EIF2AK3: variants seen among roughly 807,000 people sequenced by gnomAD.
EIF2AK3 encodes eukaryotic translation initiation factor 2 alpha kinase 3, also known as eukaryotic translation initiation factor 2-alpha kinase 3.
A neutral mutation model predicts 113.5 loss-of-function variants in EIF2AK3; 50 were observed. The ratio of observed to expected loss-of-function variants is 0.44; its 90% CI spans 0.35 to 0.56. EIF2AK3 has a LOEUF of 0.56. Among genes scored for constraint, EIF2AK3 ranks in the 20% least tolerant of loss-of-function variants. EIF2AK3 has a pLI of 0.00. For missense variants in EIF2AK3, 1,185 were observed against 1,378.0 expected (o/e 0.86, Z 2.22); for synonymous variants, 448 against 495.4 (o/e 0.90, Z 1.27).
chr2:88,614,406 C>T (rs1386882536), intron 1 of EIF2AK3, among the ~76,000 whole-genome samples: 1 of 152,176 alleles, frequency 6.6e-6, no homozygotes, highest in African/African-American at 2.4e-5. Context: ...TAGTAGACAT[C>T]TAATTGACCC....
rs779224696 is a variant in EIF2AK3, at chr2:88,590,449, A to T, written c.1159T>A (p.Tyr387Asn). The T allele has an allele frequency of 1.2e-6, 2 of 1,613,666 alleles. No individual in the cohort carries two copies. The highest frequency in any genetic ancestry group is 2.7e-5 in the African/African-American group (2 of 74,888). Residue 387 changes from tyrosine (Y) to asparagine (N), a missense_variant, in exon 6 of 17, where the codon TAC becomes AAC. Coordinates refer to ENST00000303236, the MANE Select transcript of EIF2AK3 (RefSeq NM_004836.7). ...AARGATENSV[Y>N]LGMYRGQLYL... ...ATAAGATACATTTACTCACCCAAGT[A>T]AACACTGTTTTCTGTGGCTCCTCTG...
chr2:88,620,094 C>T (rs1222444369), intron 1 of EIF2AK3, among the ~76,000 whole-genome samples: 1 of 152,178 alleles, frequency 6.6e-6, no homozygotes, highest in Non-Finnish European at 1.5e-5. Flanking sequence ...CTCTCTTCTT[C>T]CCACAGTTTT....
chr2:88,585,633 A>T (rs1674701141), intron 9 of EIF2AK3, among the ~76,000 whole-genome samples: 1 of 152,210 alleles, frequency 6.6e-6, no homozygotes, highest in African/African-American at 2.4e-5. Flanking sequence ...GGTCAAAGGG[A>T]GATGTTCAAC....
chr2:88,616,391 TAC>T (rs1675570286), intron 1 of EIF2AK3, among the ~76,000 whole-genome samples: 1 of 152,152 alleles, frequency 6.6e-6, no homozygotes, highest in South Asian at 2.1e-4. Flanking sequence ...CACCTCCAGC[TAC>T]AGAGCAGACT....
intron 3 of EIF2AK3, among the ~76,000 whole-genome samples, chr2:88,594,830 T>TAAAAA (rs58582485): frequency 2.6e-5 from 3 of 115,070 alleles, no homozygotes; most frequent in Non-Finnish European, 3.5e-5. Context: ...TGTCAAAATG[T>TAAAAA]AAAAAAAAAA....
At chr2:88,591,505 G>C (rs762097897) in intron 4 of EIF2AK3, among the ~76,000 whole-genome samples, 2 of 152,140 alleles carry the variant, frequency 1.3e-5, no homozygotes, top group Non-Finnish European at 2.9e-5. Context: ...GAATGCACCA[G>C]TCTTAAATTC....
chr2:88,591,065 A>G lies in EIF2AK3; in HGVS notation c.768-13T>C, dbSNP rs368623266. Reference sequence around the variant, plus strand: ...ACTGAAATTCCACCTTAAATTTACAAAGGTGTGTTTTAGAAATTTACATTT... The same window carrying G: ...ACTGAAATTCCACCTTAAATTTACAGAGGTGTGTTTTAGAAATTTACATTT... On this transcript the variant is annotated splice_polypyrimidine_tract_variant and intron_variant, in intron 4 of 16. Transcript: ENST00000303236. The G allele has an allele frequency of 3.6e-4, 578 of 1,611,514 alleles. 1 individual carries two copies. The highest frequency in any genetic ancestry group is 4.5e-4 in the Non-Finnish European group (525 of 1,177,712).
intron 1 of EIF2AK3, 68 bp downstream of exon 1, chr2:88,626,899 C>A (rs542275082): frequency 5.0e-6 from 8 of 1,584,198 alleles, no homozygotes; most frequent in Admixed American, 3.4e-5. Context: ...TCTCCGCCCC[C>A]CTACACCGCA....
chr2:88,559,061 CT>C, intron 15 of EIF2AK3, 82 bp from the exon 16 acceptor site: 1 of 931,242 alleles, frequency 1.1e-6, no homozygotes, highest in Non-Finnish European at 1.7e-6. Flanking sequence ...AACAAAATGA[CT>C]AAGAGGTTGT....
intron 1 of EIF2AK3, among the ~76,000 whole-genome samples, chr2:88,620,824 G>T (rs1380873787): frequency 6.6e-6 from 1 of 152,206 alleles, no homozygotes; most frequent in African/African-American, 2.4e-5. Flanking sequence ...TTAACACAAT[G>T]ATCTGTCAGG....
At chr2:88,561,902 T>C (rs1308053536) in intron 15 of EIF2AK3, among the ~76,000 whole-genome samples, 1 of 152,156 alleles carries the variant, frequency 6.6e-6, no homozygotes. Context: ...TTAAAGGCTG[T>C]GGTCATGGTT....
chr2:88,577,390 T>C (rs926561303), intron 11 of EIF2AK3, among the ~76,000 whole-genome samples: 2 of 152,138 alleles, frequency 1.3e-5, no homozygotes, highest in African/African-American at 4.8e-5. Context: ...TACAAGCGCA[T>C]CTACTGCACG....
intron 13 of EIF2AK3, chr2:88,574,441 A>C (rs770719367): frequency 3.4e-6 from 2 of 589,676 alleles, no homozygotes; most frequent in Non-Finnish European, 6.0e-6. Flanking sequence ...AAATGAACAC[A>C]AACACATTAC....
chr2:88,588,803 C>A lies in EIF2AK3; in HGVS notation c.1264G>T (p.Ala422Ser), dbSNP rs145427892. 2 of 1,613,702 alleles carry A rather than the reference C, an allele frequency of 1.2e-6. No individual in the cohort carries two copies. The highest frequency in any genetic ancestry group is 1.1e-5 in the South Asian group (1 of 91,080). ...TTGATTGTTGGTAAAGGAATAATTG[C>A]GTTTTCATTAGTGACAGATTCCAAA... ...KALESVTNENAIIPLPTIKWK... is the reference protein window; with the variant it reads ...KALESVTNENSIIPLPTIKWK... Residue 422 changes from alanine to serine, a missense_variant, in exon 7 of 17, where the codon GCA becomes TCA. Physicochemically the swap from Ala to Ser is moderately conservative, Grantham distance 99. Around this residue, in one of 3 missense-constraint regions of EIF2AK3, gnomAD observed 877 missense variants for 1,024.2 expected, o/e 0.86. Coordinates refer to ENST00000303236, the MANE Select transcript of EIF2AK3 (RefSeq NM_004836.7).
At position 88,575,139 on chromosome 2, in the gene EIF2AK3, C is replaced by T; in HGVS notation, c.2344G>A (p.Gly782Arg). ...GAAGGACAAAGTTCAAAGGAGTGCC[C>T]CTCATCATTGCCATCCATAGTCCCA... ...EDGTMDGNDE[G>R]HSFELCPSEA... is the part of the protein sequence containing the mutation. Residue 782 changes from glycine to arginine, a missense_variant, in exon 13 of 17, where the codon GGG becomes AGG. By Grantham distance (125) the Gly-to-Arg change is moderately radical. Transcript: ENST00000303236. 2.5e-6 allele frequency: 4 copies of T among 1,614,060 alleles called. No individual in the cohort carries two copies. Among genetic ancestry groups the T allele is most frequent in the Non-Finnish European group, 3.4e-6 (4 of 1,179,980 alleles).
rs761724251 is a variant in EIF2AK3 at position 88,567,868 on chromosome 2, A to G, written c.2985+3006T>C. Among the ~76,000 whole-genome samples the G allele has an allele frequency of 7.9e-5, 12 of 152,250 alleles. No individual in the cohort carries two copies. The East Asian group carries it at 1.4e-3, about 17-fold the overall frequency. ...TGTAAACATAAGCAAATGTATATCT[A>G]TCTTTTCCTCCTTTACACAAAAGGT... On this transcript the variant is annotated intron_variant, in intron 14 of 16. Coordinates refer to ENST00000303236, the MANE Select transcript of EIF2AK3 (RefSeq NM_004836.7).
At chr2:88,571,135 A>G (rs1674297644) in intron 13 of EIF2AK3, 94 bp from the exon 14 acceptor site, 3 of 1,388,238 alleles carry the variant, frequency 2.2e-6, no homozygotes, top group Non-Finnish European at 3.1e-6. Context: ...AAAAAATACA[A>G]CAAACTAGAT....
Position 88,588,890 on chromosome 2 carries a change from C to G in EIF2AK3, c.1177G>C (p.Gly393Arg), listed in dbSNP as rs1674809652. 1 of 1,613,686 alleles carries G rather than the reference C, an allele frequency of 6.2e-7. No homozygotes were observed. The part of the protein sequence containing the change: ...ENSVYLGMYR[G>R]QLYLQSSVRI... ...ACTGATGACTGCAGATACAGCTGGCCTCTATACATTCCTGAATCAACCAGA... is the reference window on the plus strand; with the variant it reads ...ACTGATGACTGCAGATACAGCTGGCGTCTATACATTCCTGAATCAACCAGA... Residue 393 changes from glycine to arginine, a missense_variant, in exon 7 of 17, where the codon GGC (glycine) becomes CGC (arginine). Physicochemically the swap from Gly to Arg is moderately radical, Grantham distance 125. Coordinates refer to ENST00000303236, the MANE Select transcript of EIF2AK3 (RefSeq NM_004836.7).
intron 11 of EIF2AK3, among the ~76,000 whole-genome samples, chr2:88,578,644 T>C (rs1674523405): frequency 6.6e-6 from 1 of 150,684 alleles, no homozygotes; most frequent in African/African-American, 2.5e-5. Context: ...ATTGTGCCAT[T>C]GCACTCCAGC....
Sources: gnomAD v4.1 joint callset for allele counts (sites outside exome capture counted in the v4.1 genomes callset) on GRCh38, gnomAD v4.1.1 for gene constraint, gnomAD v4.1.1 regional missense constraint, MANE v1.5 for transcripts, NCBI Gene and HGNC (gene_info 2026-07-23, HGNC 2026-07-21) for gene names.